UGT1A9: variants seen among roughly 807,000 people sequenced by gnomAD.
UGT1A9 encodes the protein UDP glucuronosyltransferase family 1 member A9, also known as UDP-glucuronosyltransferase 1A9.
In UGT1A9, 35 loss-of-function variants were observed where a neutral mutation model predicts 45.0. That is an observed-to-expected ratio of 0.78 (90% CI 0.59 to 1.03). The LOEUF (loss-of-function observed/expected upper bound fraction) is 1.03, where lower values mean the gene tolerates loss of function less well. Among genes scored for constraint, UGT1A9 ranks in the 50% least tolerant of loss-of-function variants. The pLI, the probability that UGT1A9 is intolerant of heterozygous loss-of-function variation, is 0.00. For synonymous variants in UGT1A9, 278 were observed against 250.6 expected (o/e 1.11, Z -1.03); for missense variants, 687 against 666.6 (o/e 1.03, Z -0.34).
intron 1 of UGT1A9, among the ~76,000 whole-genome samples, chr2:233,726,604 A>ACCCAGGAT (rs1166552006): frequency 1.2e-4 from 18 of 152,184 alleles, no homozygotes; most frequent in African/African-American, 4.3e-4. Flanking sequence ...TTGTGATTAC[A>ACCCAGGAT]CTGTCCTGCC....
At chr2:233,716,382 C>T (rs2076502409) in intron 1 of UGT1A9, among the ~76,000 whole-genome samples, 3 of 152,170 alleles carry the variant, frequency 2.0e-5, no homozygotes, top group Admixed American at 2.0e-4. Context: ...TTCTGCCTAC[C>T]ACAGACACTA....
At chr2:233,760,969 TC>T in intron 1 of UGT1A9, 1 of 1,614,196 alleles carries the variant, frequency 6.2e-7, no homozygotes, top group Admixed American at 1.7e-5. Context: ...CGTGGTTTAT[TC>T]CCCGTATGCA....
intron 1 of UGT1A9, among the ~76,000 whole-genome samples, chr2:233,739,591 A>G (rs1168913581): frequency 1.3e-5 from 2 of 152,242 alleles, no homozygotes; most frequent in Non-Finnish European, 2.9e-5. Flanking sequence ...CATGGGGCCT[A>G]TAGCCCCTTT....
chr2:233,679,767 T>G (rs1304218276), intron 1 of UGT1A9, among the ~76,000 whole-genome samples: 1 of 152,176 alleles, frequency 6.6e-6, no homozygotes, highest in African/African-American at 2.4e-5. Context: ...TTGTTGCCAT[T>G]AAATTCTCCA....
chr2:233,747,879 C>A (rs186049008), intron 1 of UGT1A9: 15 of 1,613,516 alleles, frequency 9.3e-6, no homozygotes, highest in African/African-American at 4.0e-5. Context: ...CCTGTCCTAC[C>A]TTTGCCATGC....
intron 1 of UGT1A9, among the ~76,000 whole-genome samples, chr2:233,715,142 T>C (rs555034486): frequency 2.0e-5 from 3 of 152,334 alleles, no homozygotes; most frequent in Admixed American, 2.0e-4. Flanking sequence ...CACCTCAGCC[T>C]GCCAAAGTGC....
In UGT1A9 at chr2:233,767,082, TTC is replaced by T; in HGVS notation, c.908_909del (p.Ser303PhefsTer18). ...NASGEHGIVV[F>X]SLGSMVSEIP... ...TTCTGGAGAACATGGAATTGTGGTTTTCTCTTTGGGATCAATGGTCTCAGAAA... is the reference window on the plus strand; with the variant it reads ...TTCTGGAGAACATGGAATTGTGGTTTTCTTTGGGATCAATGGTCTCAGAAA... On this transcript the variant is annotated frameshift_variant, in exon 2 of 5. Coordinates refer to ENST00000354728, the MANE Select transcript of UGT1A9 (RefSeq NM_021027.3). LOFTEE classifies it high-confidence loss of function. The T allele has an allele frequency of 6.2e-7, 1 of 1,614,166 alleles. No homozygotes were observed. The highest frequency in any genetic ancestry group is 8.5e-7 in the Non-Finnish European group (1 of 1,180,030).
intron 1 of UGT1A9, chr2:233,743,668 G>C (rs898129248): frequency 5.1e-6 from 7 of 1,367,120 alleles, no homozygotes; most frequent in Non-Finnish European, 6.9e-6. Flanking sequence ...AGGGGTCCTC[G>C]AAGGGCCTGC....
chr2:233,710,241 C>T (rs529654756), intron 1 of UGT1A9, among the ~76,000 whole-genome samples: 19 of 152,204 alleles, frequency 1.2e-4, no homozygotes, highest in East Asian at 9.6e-4. Context: ...TATTCGAGTA[C>T]GAGTGTTTCT....
intron 1 of UGT1A9, among the ~76,000 whole-genome samples, chr2:233,737,122 TTGTC>T (rs1485045027): frequency 6.6e-6 from 1 of 152,146 alleles, no homozygotes; most frequent in Admixed American, 6.5e-5. Context: ...TGTTCAGAAG[TTGTC>T]TGCTGCCTTT....
intron 1 of UGT1A9, chr2:233,755,187 A>G: frequency 1.6e-5 from 19 of 1,182,426 alleles, no homozygotes; most frequent in Non-Finnish European, 2.1e-5. Flanking sequence ...GTGCCACTTG[A>G]GCGCCAGCTT....
rs187561805 is a variant in UGT1A9 at position 233,713,630 on chromosome 2, C to T, written c.855+40841C>T. ...TGACATTCCTGCAAAGGGTCAAGAA[C>T]ATGCTCTACCCTCTGGCCCTGTCCT... is the stretch of plus-strand genomic sequence containing the variant. On this transcript the variant is annotated intron_variant, in intron 1 of 4. Transcript: ENST00000354728. The T allele has an allele frequency of 4.3e-6, 7 of 1,613,980 alleles. No individual in the cohort carries two copies. The African/African-American group carries it at 6.7e-5, about 15-fold the overall frequency.
In UGT1A9 at chr2:233,725,047, C is replaced by T. The variant is rs528406821; in HGVS notation, c.856-41987C>T. ...CCGGTCTCCACCAAAACCAGTCAGG[C>T]GTGGCGGCGCGCGCCTGCAATCGCA... On this transcript the variant is annotated intron_variant, in intron 1 of 4. Transcript: ENST00000354728. 6.6e-4 allele frequency among the ~76,000 whole-genome samples: 97 copies of T among 147,932 alleles called. 5 individuals carry two copies. The highest frequency in any genetic ancestry group is 9.2e-4 in the South Asian group (4 of 4,340).
Position 233,772,517 on chromosome 2 carries a change from A to G in UGT1A9, c.1551A>G (p.Lys517=). Residue 517 remains lysine, a synonymous_variant, in exon 5 of 5, where the codon AAA becomes AAG. Transcript: ENST00000354728. Reference sequence around the variant, plus strand: ...ATGGCTACCGGAAATGCTTGGGGAAAAAAGGGCGAGTTAAGAAAGCCCACA... The same window carrying G: ...ATGGCTACCGGAAATGCTTGGGGAAGAAAGGGCGAGTTAAGAAAGCCCACA... ...CAYGYRKCLG[K]KGRVKKAHKS... 6.2e-7 allele frequency: 1 copy of G among 1,614,222 alleles called. No homozygotes were observed. Among genetic ancestry groups the G allele is most frequent in the South Asian group, 1.1e-5 (1 of 91,086 alleles).
chr2:233,672,702 C>T lies in UGT1A9; in HGVS notation c.768C>T (p.Asp256=). The T allele has an allele frequency of 6.2e-7, 1 of 1,613,908 alleles. No individual in the cohort carries two copies. Among genetic ancestry groups the T allele is most frequent in the Non-Finnish European group, 8.5e-7 (1 of 1,179,840 alleles). ...CATCAATTTGGTTGTTGCGAACGGA[C>T]TTTGTTTTGGACTATCCCAAACCCG... ...SHTSIWLLRT[D]FVLDYPKPVM... is the part of the protein sequence containing the mutation. Residue 256 remains aspartate, a synonymous_variant, in exon 1 of 5, where the codon GAC becomes GAT. Coordinates refer to ENST00000354728, the MANE Select transcript of UGT1A9 (RefSeq NM_021027.3).
At chr2:233,742,075 C>T (rs1426608266) in intron 1 of UGT1A9, 1 of 151,834 alleles carries the variant, frequency 6.6e-6, no homozygotes, top group East Asian at 1.9e-4. Context: ...TTATGGAGAT[C>T]CTTTTTTTAC....
chr2:233,763,622 CTT>C (rs1698359948), intron 1 of UGT1A9, among the ~76,000 whole-genome samples: 1 of 152,186 alleles, frequency 6.6e-6, no homozygotes, highest in Non-Finnish European at 1.5e-5. Context: ...TACCATTCCT[CTT>C]GTGTTGATGG....
In UGT1A9 at chr2:233,720,871, A is replaced by ATTTT. The variant is rs60621337; in HGVS notation, c.856-46147_856-46144dup. Among the ~76,000 whole-genome samples, 199 of 132,762 alleles carry ATTTT rather than the reference A, an allele frequency of 1.5e-3. 2 individuals carry two copies. Among genetic ancestry groups the ATTTT allele is most frequent in the African/African-American group, 3.9e-3 (137 of 34,978 alleles). 87.1% of individuals were successfully genotyped at this position (132,762 alleles called of 152,430 possible). On this transcript the variant is annotated intron_variant, in intron 1 of 4. Coordinates refer to ENST00000354728, the MANE Select transcript of UGT1A9 (RefSeq NM_021027.3). Reference sequence around the variant, plus strand: ...CAGGCATGTGCCACTGCTCCTGGCAATTTTTTTTTTTTTTTTTTTAGTAGA... The same window carrying ATTTT: ...CAGGCATGTGCCACTGCTCCTGGCAATTTTTTTTTTTTTTTTTTTTTTTAGTAGA...
Position 233,768,349 on chromosome 2 carries a change from A to T in UGT1A9, c.1205A>T (p.Glu402Val), listed in dbSNP as rs1699604029. The change falls in exon 4 of 5, where the codon GAG becomes GTG. Residue 402 changes from glutamate to valine, a missense_variant. By Grantham distance (121) the Glu-to-Val change is moderately radical. Coordinates refer to ENST00000354728, the MANE Select transcript of UGT1A9 (RefSeq NM_021027.3). The stretch of plus-strand genomic sequence containing the variant: ...CAGATGGACAATGCAAAGCGCATGG[A>T]GACTAAGGGAGCTGGAGTGACCCTG... Reference protein sequence around the residue: ...GDQMDNAKRMETKGAGVTLNV... With the variant: ...GDQMDNAKRMVTKGAGVTLNV... The T allele has an allele frequency of 1.2e-6, 2 of 1,614,182 alleles. No homozygotes were observed. Among genetic ancestry groups the T allele is most frequent in the Non-Finnish European group, 8.5e-7 (1 of 1,180,036 alleles).
Sources: allele counts gnomAD v4.1 joint callset (sites outside exome capture counted in the v4.1 genomes callset), GRCh38; gene constraint gnomAD v4.1.1; transcripts MANE v1.5; gene names NCBI Gene and HGNC (gene_info 2026-07-23, HGNC 2026-07-21).